The following OPA3 variants were observed in gnomAD, a reference collection of about 807,000 sequenced individuals.
OPA3 encodes the protein optic atrophy 3 protein.
Under a neutral mutation model 4.0 loss-of-function variants are expected in OPA3, and 6 were observed. The ratio of observed to expected loss-of-function variants is 1.51; its 90% CI spans 0.83 to 2.99. OPA3 has a LOEUF of 2.99. OPA3 is among the 30% of genes most tolerant of loss of function. The pLI, the probability that OPA3 is intolerant of heterozygous loss-of-function variation, is 0.00. For synonymous variants in OPA3, 105 were observed against 117.1 expected (o/e 0.90, Z 0.67); for missense variants, 235 against 256.2 (o/e 0.92, Z 0.56).
intron 1 of OPA3, among the ~76,000 whole-genome samples, chr19:45,568,653 T>G (rs1969617785): frequency 6.6e-6 from 1 of 152,194 alleles, no homozygotes; most frequent in East Asian, 1.9e-4. Context: ...CAGAGGGGCA[T>G]GACTGGTTCC....
chr19:45,545,566 A>C (rs1488683261), downstream of OPA3, among the ~76,000 whole-genome samples: 5 of 151,848 alleles, frequency 3.3e-5, no homozygotes, highest in African/African-American at 1.2e-4. Flanking sequence ...CAACAACAAC[A>C]ACCAGAGGCT....
downstream of OPA3, among the ~76,000 whole-genome samples, chr19:45,542,892 C>T (rs1458203258): frequency 6.6e-6 from 1 of 151,992 alleles, no homozygotes; most frequent in Non-Finnish European, 1.5e-5. Context: ...AGGATGGTCT[C>T]GATCTCCTGA....
chr19:45,531,512 C>T (rs1223924122), intron 1 of OPA3, among the ~76,000 whole-genome samples: 1 of 152,172 alleles, frequency 6.6e-6, no homozygotes, highest in Non-Finnish European at 1.5e-5. Context: ...GGACTGTCCT[C>T]CTTCATACTG....
intron 1 of OPA3, among the ~76,000 whole-genome samples, chr19:45,563,753 A>G (rs541668508): frequency 6.6e-6 from 1 of 151,204 alleles, no homozygotes; most frequent in African/African-American, 2.4e-5. Flanking sequence ...ATGGGGTTTC[A>G]CCATGTTGGC....
intron 1 of OPA3, among the ~76,000 whole-genome samples, chr19:45,539,770 A>C (rs1165718705): frequency 6.6e-6 from 1 of 151,822 alleles, no homozygotes; most frequent in Non-Finnish European, 1.5e-5. Flanking sequence ...AAAAAAAAGG[A>C]ATGAGATATT....
At chr19:45,570,914 G>C (rs1969653629) in intron 1 of OPA3, among the ~76,000 whole-genome samples, 1 of 127,028 alleles carries the variant, frequency 7.9e-6, no homozygotes, top group Non-Finnish European at 1.6e-5. Flanking sequence ...GTTTCACCAA[G>C]AGTTTCCAAA....
At chr19:45,584,425 A>C (rs1004672016) in intron 1 of OPA3, 198 bp downstream of exon 1, 1 of 984,636 alleles carries the variant, frequency 1.0e-6, no homozygotes, top group Non-Finnish European at 1.2e-6. Flanking sequence ...TGGCTCCTTG[A>C]CCCGCCCCTT....
chr19:45,539,643 G>A (rs1969160460), intron 1 of OPA3, among the ~76,000 whole-genome samples: 1 of 151,762 alleles, frequency 6.6e-6, no homozygotes, highest in Admixed American at 6.6e-5. Context: ...GCCGGGCGTG[G>A]CGGTGCATGT....
At chr19:45,560,003 G>A (rs1969480959) in intron 1 of OPA3, among the ~76,000 whole-genome samples, 1 of 152,110 alleles carries the variant, frequency 6.6e-6, no homozygotes, top group Admixed American at 6.6e-5. Flanking sequence ...TGGGAGAATG[G>A]CAATGACAGA....
In OPA3 at chr19:45,576,720, G is replaced by A. The variant is rs530124161; in HGVS notation, c.142+7903C>T. On this transcript the variant is annotated intron_variant, in intron 1 of 1. Coordinates refer to ENST00000263275, the MANE Select transcript of OPA3 (RefSeq NM_025136.4). Reference sequence around the variant, plus strand: ...CTTCCTCCATCTTCAAGGCCAGCGGGGCAGCATCCCTCAAATCATTCCCTC... The same window carrying A: ...CTTCCTCCATCTTCAAGGCCAGCGGAGCAGCATCCCTCAAATCATTCCCTC... Among the ~76,000 whole-genome samples the A allele has an allele frequency of 2.6e-5, 4 of 152,050 alleles. No individual in the cohort carries two copies. The South Asian group carries it at 8.3e-4, about 32-fold the overall frequency.
intron 1 of OPA3, among the ~76,000 whole-genome samples, chr19:45,530,353 CA>C (rs1381344185): frequency 1.3e-5 from 2 of 148,362 alleles, no homozygotes; most frequent in African/African-American, 2.5e-5. Flanking sequence ...GACTCCATCT[CA>C]AAAAAAAAAT....
rs146478786 is a variant in OPA3 at position 45,567,094 on chromosome 19, C to G, written c.143-13183G>C. 3.4e-4 allele frequency among the ~76,000 whole-genome samples: 51 copies of G among 152,120 alleles called. 1 individual carries two copies. Among genetic ancestry groups the G allele is most frequent in the African/African-American group, 1.1e-3 (47 of 41,516 alleles). ...GGTGGCTCACACTTGTACCCCAGCA[C>G]TTTGGGAGGCCAAGCGGTGAGGATC... On this transcript the variant is annotated intron_variant, in intron 1 of 1. Coordinates refer to ENST00000263275, the MANE Select transcript of OPA3 (RefSeq NM_025136.4).
chr19:45,578,022 A>G (rs1451069200), intron 1 of OPA3, among the ~76,000 whole-genome samples: 2 of 152,018 alleles, frequency 1.3e-5, no homozygotes, highest in African/African-American at 2.4e-5. Context: ...TTGCAAAATT[A>G]TGACTGACAC....
At chr19:45,545,219 G>A (rs1183946624), downstream of OPA3, among the ~76,000 whole-genome samples, 2 of 147,812 alleles carry the variant, frequency 1.4e-5, no homozygotes, top group East Asian at 4.0e-4. Context: ...AGGCAGGATA[G>A]GCCTCTACTT....
downstream of OPA3, among the ~76,000 whole-genome samples, chr19:45,545,176 AAAC>A (rs1226884948): frequency 6.7e-6 from 1 of 148,410 alleles, no homozygotes; most frequent in Non-Finnish European, 1.5e-5. Flanking sequence ...AAAAAAAAAA[AAAC>A]AAAAAAACAA....
chr19:45,554,116 C>T (rs1200858287), intron 1 of OPA3, among the ~76,000 whole-genome samples: 1 of 152,168 alleles, frequency 6.6e-6, no homozygotes. Context: ...AAGAGGGACA[C>T]CAGGAGCTTC....
intron 1 of OPA3, among the ~76,000 whole-genome samples, chr19:45,530,559 T>C (rs1969048749): frequency 6.6e-6 from 1 of 151,902 alleles, no homozygotes; most frequent in African/African-American, 2.4e-5. Flanking sequence ...GCCCAGGCTG[T>C]AGTGCAGTGA....
At chr19:45,534,278 G>A (rs1599949740) in intron 1 of OPA3, among the ~76,000 whole-genome samples, 1 of 152,070 alleles carries the variant, frequency 6.6e-6, no homozygotes, top group Non-Finnish European at 1.5e-5. Flanking sequence ...GAAAGCAATA[G>A]AGGCCAGGCG....
In OPA3 at chr19:45,547,204, A is replaced by C. The variant is rs1969261916; in HGVS notation, c.*6310T>G. ...CCTCCACAGTTGTGCCAATCAAGGCAAGGGGCAGCCTTTGCTTGCCTGGCC... is the reference window on the plus strand; with the variant it reads ...CCTCCACAGTTGTGCCAATCAAGGCCAGGGGCAGCCTTTGCTTGCCTGGCC... On this transcript the variant is annotated 3_prime_UTR_variant, in exon 2 of 2. Transcript: ENST00000263275. 1 of 152,272 alleles carries C rather than the reference A, an allele frequency of 6.6e-6. No individual in the cohort carries two copies. Among genetic ancestry groups the C allele is most frequent in the African/African-American group, 2.4e-5 (1 of 41,444 alleles). 9.4% of individuals were successfully genotyped at this position (152,272 alleles called of 1,614,324 possible).
Sources: allele counts gnomAD v4.1 joint callset (sites outside exome capture counted in the v4.1 genomes callset), GRCh38; gene constraint gnomAD v4.1.1; transcripts MANE v1.5; gene names NCBI Gene and HGNC (gene_info 2026-07-23, HGNC 2026-07-21).